The following ZNF536 variants were observed in gnomAD, a reference collection of about 807,000 sequenced individuals.
ZNF536 encodes the protein zinc finger protein 536.
A neutral mutation model predicts 84.5 loss-of-function variants in ZNF536; 13 were observed. The ratio of observed to expected loss-of-function variants is 0.15; its 90% CI spans 0.10 to 0.24. The LOEUF (loss-of-function observed/expected upper bound fraction) is 0.24. ZNF536 is among the 10% of genes least tolerant of loss of function. ZNF536 has a pLI of 1.00. For synonymous variants in ZNF536, 811 were observed against 742.5 expected (o/e 1.09, Z -1.50); for missense variants, 1,536 against 1,747.5 (o/e 0.88, Z 2.16).
rs58742375 is a variant in ZNF536 at position 30,440,793 on chromosome 19, G to A, written c.-2-2768G>A. On this transcript the variant is annotated intron_variant, in intron 1 of 4. Coordinates refer to ENST00000355537, the MANE Select transcript of ZNF536 (RefSeq NM_014717.3). The stretch of plus-strand genomic sequence containing the variant: ...ATGAAAGAGCCGGGGCAGCATGCAT[G>A]TTCTAGAACATTCTATCCTCAGCTG... Among the ~76,000 whole-genome samples the A allele has an allele frequency of 4.7e-3, 721 of 152,200 alleles. 5 individuals carry two copies. Among genetic ancestry groups the A allele is most frequent in the African/African-American group, 0.016 (685 of 41,520 alleles).
intron 2 of ZNF536, among the ~76,000 whole-genome samples, chr19:30,463,767 G>A (rs1344874499): frequency 6.6e-6 from 1 of 152,182 alleles, no homozygotes; most frequent in African/African-American, 2.4e-5. Context: ...GACTTTTGGT[G>A]GGGGTTATTG....
At chr19:30,423,729 A>G (rs993261290) in intron 1 of ZNF536, among the ~76,000 whole-genome samples, 1 of 152,210 alleles carries the variant, frequency 6.6e-6, no homozygotes, top group East Asian at 1.9e-4. Flanking sequence ...TGCGAAGAGC[A>G]TGCAAGGGCA....
intron 2 of ZNF536, among the ~76,000 whole-genome samples, chr19:30,510,993 G>A (rs1046232473): frequency 1.3e-5 from 2 of 152,226 alleles, no homozygotes; most frequent in Non-Finnish European, 1.5e-5. Flanking sequence ...CTCAGAGGCT[G>A]AGCCCTGGCT....
chr19:30,541,006 C>G (rs909873971), intron 3 of ZNF536, among the ~76,000 whole-genome samples: 2 of 152,222 alleles, frequency 1.3e-5, no homozygotes, highest in East Asian at 3.9e-4. Context: ...CATGTGGAGG[C>G]GCTCTGACCT....
intron 2 of ZNF536, among the ~76,000 whole-genome samples, chr19:30,306,315 T>A (rs1389591340): frequency 6.6e-6 from 1 of 152,154 alleles, no homozygotes; most frequent in Non-Finnish European, 1.5e-5. Context: ...AGTAAGGCTC[T>A]TGTCTTATCT....
At chr19:30,259,814 G>A (rs1374059534) in intron 1 of ZNF536, among the ~76,000 whole-genome samples, 2 of 151,984 alleles carry the variant, frequency 1.3e-5, no homozygotes, top group Admixed American at 1.3e-4. Flanking sequence ...GTGCAGTGGT[G>A]CGATCTTGGC....
chr19:30,253,042 C>T (rs2024704561), intron 1 of ZNF536, among the ~76,000 whole-genome samples: 1 of 152,164 alleles, frequency 6.6e-6, no homozygotes, highest in African/African-American at 2.4e-5. Flanking sequence ...GAATCAGTTT[C>T]TGAAGTGGGC....
chr19:30,439,168 C>G (rs2148075001), intron 1 of ZNF536, among the ~76,000 whole-genome samples: 2 of 152,250 alleles, frequency 1.3e-5, no homozygotes, highest in South Asian at 4.1e-4. Flanking sequence ...ATTGCACACA[C>G]ACGCACACAC....
At chr19:30,246,598 C>G (rs1171758827) in intron 1 of ZNF536, among the ~76,000 whole-genome samples, 1 of 152,204 alleles carries the variant, frequency 6.6e-6, no homozygotes, top group Non-Finnish European at 1.5e-5. Flanking sequence ...CACAAGAGGT[C>G]TGGCACTCGA....
chr19:30,638,518 A>G (rs2049153747), intron 1 of ZNF536, among the ~76,000 whole-genome samples: 1 of 152,174 alleles, frequency 6.6e-6, no homozygotes, highest in African/African-American at 2.4e-5. Flanking sequence ...CTTTTAAACA[A>G]CCAGATCTCA....
At chr19:30,463,378 C>A (rs929913218) in intron 2 of ZNF536, among the ~76,000 whole-genome samples, 1 of 152,128 alleles carries the variant, frequency 6.6e-6, no homozygotes, top group Non-Finnish European at 1.5e-5. Flanking sequence ...TTGGGAAATG[C>A]AGAAAGCCCT....
At chr19:30,403,649 A>T (rs1413273620) in intron 1 of ZNF536, among the ~76,000 whole-genome samples, 1 of 152,178 alleles carries the variant, frequency 6.6e-6, no homozygotes, top group African/African-American at 2.4e-5. Context: ...CCTCCTGCAA[A>T]CTTGCAGCTC....
intron 2 of ZNF536, among the ~76,000 whole-genome samples, chr19:30,315,909 T>C (rs188082593): frequency 6.6e-6 from 1 of 151,950 alleles, no homozygotes; most frequent in South Asian, 2.1e-4. Context: ...TTACTTTTTT[T>C]AAAAAAAACA....
At chr19:30,672,853 G>C (rs1032927343) in intron 1 of ZNF536, among the ~76,000 whole-genome samples, 2 of 152,196 alleles carry the variant, frequency 1.3e-5, no homozygotes, top group African/African-American at 4.8e-5. Flanking sequence ...ATCCCTGTGG[G>C]AAATGGAGTC....
chr19:30,457,129 TCA>T (rs1384134894), intron 2 of ZNF536, among the ~76,000 whole-genome samples: 1 of 152,056 alleles, frequency 6.6e-6, no homozygotes, highest in Non-Finnish European at 1.5e-5. Flanking sequence ...GACAGGTAAT[TCA>T]CAGAGTGAGA....
chr19:30,294,794 C>G (rs1789660827), intron 2 of ZNF536, among the ~76,000 whole-genome samples: 1 of 152,180 alleles, frequency 6.6e-6, no homozygotes, highest in African/African-American at 2.4e-5. Context: ...GCGCACTCCT[C>G]CCTCTACTCC....
At chr19:30,708,076 T>C (rs34819865) in intron 1 of ZNF536, among the ~76,000 whole-genome samples, 1 of 150,904 alleles carries the variant, frequency 6.6e-6, no homozygotes, top group African/African-American at 2.4e-5. Context: ...GATACAAGAA[T>C]ATAATTAATA....
Position 30,513,707 on chromosome 19 carries a change from G to A in ZNF536, c.2171-21140G>A, listed in dbSNP as rs903152324. Among the ~76,000 whole-genome samples, 18 of 152,040 alleles carry A rather than the reference G, an allele frequency of 1.2e-4. 1 individual carries two copies. The highest frequency in any genetic ancestry group is 4.1e-4 in the African/African-American group (17 of 41,378). ...AGACTAGAGTTGAAGGGTGGATGGAGGATTTACCCCAAATGTGGGACTCCA... is the reference window on the plus strand; with the variant it reads ...AGACTAGAGTTGAAGGGTGGATGGAAGATTTACCCCAAATGTGGGACTCCA... On this transcript the variant is annotated intron_variant, in intron 2 of 4. Coordinates refer to ENST00000355537, the MANE Select transcript of ZNF536 (RefSeq NM_014717.3).
At chr19:30,621,441 G>T (rs879742712) in intron 1 of ZNF536, among the ~76,000 whole-genome samples, 1 of 152,002 alleles carries the variant, frequency 6.6e-6, no homozygotes, top group Non-Finnish European at 1.5e-5. Context: ...TCTTCTCAGT[G>T]GGGGGACTCA....
Sources: allele counts gnomAD v4.1 joint callset (sites outside exome capture counted in the v4.1 genomes callset), GRCh38; gene constraint gnomAD v4.1.1; transcripts MANE v1.5; gene names NCBI Gene and HGNC (gene_info 2026-07-23, HGNC 2026-07-21).